DOCK2: variants seen among roughly 807,000 people sequenced by gnomAD.
DOCK2 encodes the protein dedicator of cytokinesis protein 2.
DOCK2 carries 87 observed loss-of-function variants against 248.9 expected under a neutral mutation model. The ratio of observed to expected loss-of-function variants is 0.35; its 90% CI spans 0.29 to 0.42. The LOEUF (loss-of-function observed/expected upper bound fraction) is 0.42, where lower values mean the gene tolerates loss of function less well. DOCK2 is among the 10% of genes least tolerant of loss of function. The pLI is 1.00. For missense variants in DOCK2, 1,747 were observed against 2,300.2 expected, an observed-to-expected ratio of 0.76 and a Z score of 4.92; for synonymous variants, 805 against 821.6, an observed-to-expected ratio of 0.98 and a Z score of 0.35.
chr5:169,881,274 C>T (rs982641958), intron 27 of DOCK2: 8 of 1,045,872 alleles, frequency 7.6e-6, no homozygotes, highest in Admixed American at 6.7e-5. Flanking sequence ...GTTTTTGCCT[C>T]TCTTGACTTT....
intron 27 of DOCK2, among the ~76,000 whole-genome samples, chr5:169,906,050 G>C (rs1429231500): frequency 6.6e-6 from 1 of 152,078 alleles, no homozygotes; most frequent in Non-Finnish European, 1.5e-5. Flanking sequence ...AAGTAGATGG[G>C]GTACTAATTA....
intron 27 of DOCK2, among the ~76,000 whole-genome samples, chr5:169,845,660 T>A (rs1291868419): frequency 5.3e-5 from 8 of 152,116 alleles, no homozygotes; most frequent in Admixed American, 5.2e-4. Context: ...TTTCAGGGAG[T>A]AAGGAATTGC....
intron 26 of DOCK2, among the ~76,000 whole-genome samples, chr5:169,831,378 G>A (rs966871905): frequency 6.6e-6 from 1 of 152,084 alleles, no homozygotes; most frequent in African/African-American, 2.4e-5. Context: ...CATTTATCTT[G>A]CTTGCTGCGT....
intron 44 of DOCK2, among the ~76,000 whole-genome samples, chr5:170,066,186 G>A (rs767924387): frequency 3.3e-5 from 5 of 151,946 alleles, no homozygotes; most frequent in Admixed American, 6.6e-5. Flanking sequence ...TCCTGACCTC[G>A]TGATCTGCCC....
At chr5:169,662,211 A>C (rs1160169615) in intron 2 of DOCK2, among the ~76,000 whole-genome samples, 1 of 152,208 alleles carries the variant, frequency 6.6e-6, no homozygotes, top group African/African-American at 2.4e-5. Context: ...CTAACAACTA[A>C]TGATGTCAAA....
chr5:169,806,167 A>T (rs12518975), intron 26 of DOCK2, among the ~76,000 whole-genome samples: 6,710 of 150,954 alleles, frequency 0.044, 285 homozygotes, highest in Admixed American at 0.14. Flanking sequence ...GTTCTAATAT[A>T]TAGCGGCTCT....
At chr5:169,996,188 C>A (rs898462572) in intron 30 of DOCK2, 24 bp downstream of exon 30, 2 of 1,611,376 alleles carry the variant, frequency 1.2e-6, no homozygotes, top group Middle Eastern at 1.7e-4. Context: ...ACCAGAGCTA[C>A]CCTTGGAGCT....
intron 36 of DOCK2, 68 bp downstream of exon 36, chr5:170,036,623 TC>T (rs1420691923): frequency 5.6e-5 from 82 of 1,468,540 alleles, no homozygotes; most frequent in Non-Finnish European, 6.7e-5. Context: ...CATCGATGGC[TC>T]CCTGCTGCCT....
At chr5:169,944,590 G>A (rs1231849478) in intron 27 of DOCK2, among the ~76,000 whole-genome samples, 1 of 152,230 alleles carries the variant, frequency 6.6e-6, no homozygotes, top group Non-Finnish European at 1.5e-5. Flanking sequence ...CCTTGGGAGA[G>A]CATTTTAATA....
At chr5:169,836,533 G>A (rs552544175) in intron 26 of DOCK2, among the ~76,000 whole-genome samples, 5 of 152,268 alleles carry the variant, frequency 3.3e-5, no homozygotes, top group East Asian at 1.9e-4. Flanking sequence ...AGGACCTTCC[G>A]TGTGGTTTTT....
At chr5:169,881,270 G>A (rs1300147970) in intron 27 of DOCK2, 2 of 946,632 alleles carry the variant, frequency 2.1e-6, no homozygotes, top group African/African-American at 3.3e-5. Flanking sequence ...CCTTGTTTTT[G>A]CCTCTCTTGA....
intron 27 of DOCK2, among the ~76,000 whole-genome samples, chr5:169,978,371 GTGTA>G (rs1443496736): frequency 4.8e-5 from 4 of 82,520 alleles, no homozygotes; most frequent in Non-Finnish European, 6.6e-5. Context: ...TCCTGGCTCT[GTGTA>G]TGTGTGTGTG....
At chr5:169,861,142 C>T (rs757676680) in intron 27 of DOCK2, among the ~76,000 whole-genome samples, 1 of 152,134 alleles carries the variant, frequency 6.6e-6, no homozygotes, top group African/African-American at 2.4e-5. Context: ...ATGTGATCAT[C>T]GTGACACTAA....
chr5:169,965,602 C>T (rs533128757), intron 27 of DOCK2, among the ~76,000 whole-genome samples: 117 of 152,224 alleles, frequency 7.7e-4, no homozygotes, highest in Admixed American at 4.3e-3. Flanking sequence ...ATCCCAATGT[C>T]GGGAGAGCTG....
At chr5:169,883,372 T>C (rs371270023) in intron 27 of DOCK2, 53 of 1,551,566 alleles carry the variant, frequency 3.4e-5, no homozygotes, top group Non-Finnish European at 4.5e-5. Context: ...GCTTTGCACC[T>C]TGGGGACCCT....
chr5:169,978,386 T>TGGG (rs1561863630), intron 27 of DOCK2, among the ~76,000 whole-genome samples: 3 of 16,720 alleles, frequency 1.8e-4, no homozygotes, highest in Non-Finnish European at 2.3e-4. Context: ...TGTGTGTGTG[T>TGGG]GTGTGTGGGG....
At chr5:169,919,260 G>A (rs1280115127) in intron 27 of DOCK2, among the ~76,000 whole-genome samples, 1 of 152,180 alleles carries the variant, frequency 6.6e-6, no homozygotes, top group Non-Finnish European at 1.5e-5. Context: ...TCGATATGGG[G>A]CAGAGGTGGG....
chr5:169,894,063 T>C (rs926420658), intron 27 of DOCK2, among the ~76,000 whole-genome samples: 2 of 152,222 alleles, frequency 1.3e-5, no homozygotes, highest in East Asian at 3.9e-4. Flanking sequence ...GTCGTTGTAC[T>C]AAAAACGACA....
chr5:169,679,443 A>G (rs1204991955), intron 6 of DOCK2, among the ~76,000 whole-genome samples: 1 of 152,172 alleles, frequency 6.6e-6, no homozygotes, highest in East Asian at 1.9e-4. Flanking sequence ...CAATCCTACC[A>G]AAGCTCCCAA....
Sources: allele counts gnomAD v4.1 joint callset (sites outside exome capture counted in the v4.1 genomes callset), GRCh38; gene constraint gnomAD v4.1.1; transcripts MANE v1.5; gene names NCBI Gene and HGNC (gene_info 2026-07-23, HGNC 2026-07-21).